Variants in JADE3 observed in about 807,000 individuals in gnomAD.
JADE3 encodes the protein protein Jade-3.
In JADE3, 2 loss-of-function variants were observed where a neutral mutation model predicts 50.1. The ratio of observed to expected loss-of-function variants is 0.04; its 90% CI spans 0.02 to 0.13. The LOEUF (loss-of-function observed/expected upper bound fraction) is 0.13, where lower values mean the gene tolerates loss of function less well. Among genes scored for constraint, JADE3 ranks in the 10% least tolerant of loss-of-function variants. The pLI, the probability that JADE3 is intolerant of heterozygous loss-of-function variation, is 1.00. For missense variants in JADE3, 475 were observed against 634.4 expected (o/e 0.75, Z 2.70); for synonymous variants, 218 against 232.9 (o/e 0.94, Z 0.58).
intron 1 of JADE3, among the ~76,000 whole-genome samples, chrX:46,965,005 A>G (rs1340630707): frequency 8.9e-6 from 1 of 111,999 alleles, no homozygotes; most frequent in Non-Finnish European, 1.9e-5. Context: ...TTAAATTCAT[A>G]TCTCCTTTCT....
chrX:47,039,576 A>G lies in JADE3; in HGVS notation c.972+511A>G, dbSNP rs782144663. ...TTGTACTCTCCCTCCTCCCTCTAGT[A>G]ATCCCCACTGTCTATTTTTCCTGTC... On this transcript the variant is annotated intron_variant, in intron 8 of 10. Transcript: ENST00000614628. 7.2e-5 allele frequency among the ~76,000 whole-genome samples: 8 copies of G among 110,504 alleles called. No homozygotes were observed. In the South Asian group the frequency reaches 3.1e-3, roughly 43 times the overall value.
chrX:47,005,011 A>G (rs1928379443), intron 4 of JADE3, among the ~76,000 whole-genome samples: 1 of 111,524 alleles, frequency 9.0e-6, no homozygotes, highest in East Asian at 2.8e-4. Flanking sequence ...CAAACATAAG[A>G]CTTTGAAAGA....
At chrX:46,950,709 C>G (rs1256419568) in intron 1 of JADE3, among the ~76,000 whole-genome samples, 2 of 112,129 alleles carry the variant, frequency 1.8e-5, no homozygotes, top group African/African-American at 6.5e-5. Flanking sequence ...TTTAAAGAAA[C>G]TGCCAGTTTT....
intron 1 of JADE3, among the ~76,000 whole-genome samples, chrX:46,917,638 GA>G (rs1926113849): frequency 9.0e-6 from 1 of 110,972 alleles, no homozygotes; most frequent in South Asian, 3.8e-4. Flanking sequence ...ATGTGGAAAG[GA>G]TCCACAGAGG....
intron 4 of JADE3, among the ~76,000 whole-genome samples, chrX:46,998,578 G>A (rs1041587778): frequency 1.6e-4 from 18 of 111,194 alleles, no homozygotes; most frequent in Non-Finnish European, 2.4e-4. Context: ...TCAACAGTCA[G>A]TAGCATTTAT....
rs1423747371 is a variant in JADE3 at position 46,951,171 on chromosome X, C to T, written c.-11-33713C>T. Among the ~76,000 whole-genome samples the T allele has an allele frequency of 6.5e-5, 7 of 107,016 alleles. No homozygotes were observed. In the East Asian group the frequency reaches 1.5e-3, roughly 23 times the overall value. 92.9% of individuals were successfully genotyped at this position (107,016 alleles called of 115,157 possible). A position where few individuals can be genotyped will look rare whatever the true frequency, so the allele number is the denominator to read the frequency against. On this transcript the variant is annotated intron_variant, in intron 1 of 10. Transcript: ENST00000614628. ...TCGGCTCACTGCAACCTCCGCCTCC[C>T]GGGTTCAAGCGATTTCTGGCTAACT...
At chrX:46,941,569 CT>C (rs1243977608) in intron 1 of JADE3, among the ~76,000 whole-genome samples, 16 of 111,442 alleles carry the variant, frequency 1.4e-4, no homozygotes, top group Non-Finnish European at 2.8e-4. Flanking sequence ...GCATCTGTTA[CT>C]TTTTGACTTT....
chrX:47,011,805 C>G (rs1257296374), intron 4 of JADE3, among the ~76,000 whole-genome samples: 1 of 111,688 alleles, frequency 9.0e-6, no homozygotes, highest in Admixed American at 9.5e-5. Context: ...CAGCTTTTCT[C>G]GATGTCCTTC....
Position 47,058,302 on chromosome X carries a change from C to G in JADE3, c.1697C>G (p.Ser566Cys). 8.3e-7 allele frequency: 1 copy of G among 1,211,169 alleles called. No homozygotes were observed. Among genetic ancestry groups the G allele is most frequent in the Non-Finnish European group, 1.1e-6 (1 of 895,359 alleles). Residue 566 changes from serine to cysteine, a missense_variant, in exon 11 of 11, where the codon TCT becomes TGT. Around this residue, in one of 6 missense-constraint regions of JADE3, gnomAD observed 243 missense variants for 238.2 expected, o/e 1.02. Coordinates refer to ENST00000614628, the MANE Select transcript of JADE3 (RefSeq NM_014735.5). ...ACAGAAACCGATCAGCAGCCCCACT[C>G]TCCTGACAGCAGCTCATCTGTTCAC... is the stretch of plus-strand genomic sequence containing the variant. ...SSTETDQQPHSPDSSSSVHSI... is the reference protein window; with the variant it reads ...SSTETDQQPHCPDSSSSVHSI...
At chrX:46,997,793 G>A (rs1928165807) in intron 3 of JADE3, among the ~76,000 whole-genome samples, 1 of 111,866 alleles carries the variant, frequency 8.9e-6, no homozygotes, top group Non-Finnish European at 1.9e-5. Context: ...AACTATCAGT[G>A]GATACTTGTT....
At chrX:46,931,265 C>A (rs1469850336) in intron 1 of JADE3, among the ~76,000 whole-genome samples, 2 of 111,754 alleles carry the variant, frequency 1.8e-5, no homozygotes, top group African/African-American at 3.3e-5. Flanking sequence ...CTACTAGACA[C>A]ATCAGTAGTC....
chrX:46,920,869 A>C (rs1300814179), intron 1 of JADE3, among the ~76,000 whole-genome samples: 11 of 112,408 alleles, frequency 9.8e-5, no homozygotes, highest in South Asian at 3.7e-4. Flanking sequence ...ATAGCTTTAT[A>C]ATAAGCCTAG....
In JADE3 at chrX:47,005,598, C is replaced by T. The variant is rs188580163; in HGVS notation, c.284+7321C>T. 2.7e-5 allele frequency among the ~76,000 whole-genome samples: 3 copies of T among 112,240 alleles called. No individual in the cohort carries two copies. In the East Asian group the frequency reaches 8.4e-4, roughly 31 times the overall value. Reference sequence around the variant, plus strand: ...TCCAGTCAAACACCACAGAAAAATACTTTGGGCCACCCCAACCTTCTCCAG... The same window carrying T: ...TCCAGTCAAACACCACAGAAAAATATTTTGGGCCACCCCAACCTTCTCCAG... On this transcript the variant is annotated intron_variant, in intron 4 of 10. Transcript: ENST00000614628.
At chrX:47,016,971 G>C in intron 4 of JADE3, among the ~76,000 whole-genome samples, 1 of 112,033 alleles carries the variant, frequency 8.9e-6, no homozygotes, top group East Asian at 2.8e-4. Context: ...ACTTAGAGCA[G>C]TAATTTTGGA....
intron 5 of JADE3, 152 bp downstream of exon 5, chrX:47,025,066 GAT>G: frequency 2.5e-6 from 1 of 395,054 alleles, no homozygotes. Context: ...ATTTCAGTGA[GAT>G]ATTTCTTCAA....
rs782033953 is a variant in JADE3 at position 46,933,305 on chromosome X, C to T, written c.-12+20586C>T. 9.9e-5 allele frequency among the ~76,000 whole-genome samples: 11 copies of T among 111,491 alleles called. No individual in the cohort carries two copies. The East Asian group carries it at 2.2e-3, about 23-fold the overall frequency. ...CAGAGCCCAAACGGAGGGTGGCAGT[C>T]GGCCTTGTCATTACCCAAAGAACTA... On this transcript the variant is annotated intron_variant, in intron 1 of 10. Coordinates refer to ENST00000614628, the MANE Select transcript of JADE3 (RefSeq NM_014735.5).
chrX:46,985,968 G>A (rs988610052), intron 3 of JADE3, among the ~76,000 whole-genome samples, 176 bp downstream of exon 3: 20 of 111,256 alleles, frequency 1.8e-4, no homozygotes, highest in Non-Finnish European at 3.2e-4. Flanking sequence ...AGGGGGGTAA[G>A]TGAGTTTTTC....
intron 4 of JADE3, among the ~76,000 whole-genome samples, chrX:47,023,465 A>G (rs1241083072): frequency 8.9e-6 from 1 of 111,828 alleles, no homozygotes; most frequent in African/African-American, 3.2e-5. Context: ...TTGGCTGCCT[A>G]GTATTCCATG....
chrX:47,019,455 G>A (rs1210632514), intron 4 of JADE3, among the ~76,000 whole-genome samples: 1 of 111,531 alleles, frequency 9.0e-6, no homozygotes, highest in Non-Finnish European at 1.9e-5. Flanking sequence ...TGTAATCATA[G>A]CTCTCTACAG....
Sources: allele counts gnomAD v4.1 joint callset (sites outside exome capture counted in the v4.1 genomes callset), GRCh38; gene constraint gnomAD v4.1.1; regional missense constraint gnomAD v4.1.1; transcripts MANE v1.5; gene names NCBI Gene and HGNC (gene_info 2026-07-23, HGNC 2026-07-21).